Variants in MTUS2 observed in about 807,000 individuals in gnomAD.
MTUS2 encodes microtubule-associated tumor suppressor candidate 2.
A neutral mutation model predicts 114.1 loss-of-function variants in MTUS2; 40 were observed. The ratio of observed to expected loss-of-function variants is 0.35; its 90% CI spans 0.27 to 0.46. The LOEUF (loss-of-function observed/expected upper bound fraction) is 0.46. Among genes scored for constraint, MTUS2 ranks in the 20% least tolerant of loss-of-function variants. MTUS2 has a pLI of 1.00. For missense variants in MTUS2, 1,679 were observed against 1,705.4 expected (o/e 0.98, Z 0.27); for synonymous variants, 688 against 672.0 (o/e 1.02, Z -0.37).
rs1459095973 is a variant in MTUS2, at chr13:29,317,502, A to C, written c.2807-7111A>C. On this transcript the variant is annotated intron_variant, in intron 6 of 15. Coordinates refer to ENST00000612955, the MANE Select transcript of MTUS2 (RefSeq NM_001033602.4). ...GCCGGACTGCGGACTGCAGTGGCGC[A>C]ATCTCGGCTCACTGCAAGCTCCGCT... 7.9e-4 allele frequency among the ~76,000 whole-genome samples: 9 copies of C among 11,460 alleles called. 4 individuals are homozygous for C. Among genetic ancestry groups the C allele is most frequent in the African/African-American group, 1.6e-3 (9 of 5,734 alleles). The allele number at this position is 11,460 out of a possible 152,430, so 7.5% of individuals were successfully genotyped here.
chr13:29,292,855 TAGA>T lies in MTUS2; in HGVS notation c.2806+10998_2806+11000del, dbSNP rs992248696. Reference sequence around the variant, plus strand: ...AGGCTTAGAGCTTCTTGGCTAAAGGTAGAAGAAGAAACACACTCAAGGGAAAAA... The same window carrying T: ...AGGCTTAGAGCTTCTTGGCTAAAGGTAGAAGAAACACACTCAAGGGAAAAA... On this transcript the variant is annotated intron_variant, in intron 6 of 15. Coordinates refer to ENST00000612955, the MANE Select transcript of MTUS2 (RefSeq NM_001033602.4). Among the ~76,000 whole-genome samples the T allele has an allele frequency of 6.2e-4, 95 of 152,022 alleles. 4 individuals carry two copies. The highest frequency in any genetic ancestry group is 1.8e-4 in the Non-Finnish European group (12 of 68,004).
intron 5 of MTUS2, among the ~76,000 whole-genome samples, chr13:29,278,692 C>A (rs1019015964): frequency 7.2e-5 from 11 of 152,238 alleles, no homozygotes; most frequent in South Asian, 2.1e-4. Flanking sequence ...GGAAACTGAG[C>A]AAACTTCCCT....
chr13:28,898,221 A>T (rs1879406798), intron 2 of MTUS2, among the ~76,000 whole-genome samples: 1 of 152,148 alleles, frequency 6.6e-6, no homozygotes, highest in Non-Finnish European at 1.5e-5. Context: ...AGAGCTTTAA[A>T]CCAAGCACAG....
chr13:28,897,596 C>G (rs192761323), intron 2 of MTUS2, among the ~76,000 whole-genome samples: 2 of 151,996 alleles, frequency 1.3e-5, no homozygotes, highest in African/African-American at 2.4e-5. Flanking sequence ...GACACACACA[C>G]ACACATGTAT....
intron 2 of MTUS2, among the ~76,000 whole-genome samples, chr13:28,860,185 T>TA (rs1876880692): frequency 6.6e-6 from 1 of 152,222 alleles, no homozygotes; most frequent in East Asian, 1.9e-4. Flanking sequence ...CGTCCTCCCT[T>TA]AAACAAATAC....
intron 11 of MTUS2, 37 bp from the exon 12 acceptor site, chr13:29,492,609 G>A (rs751567986): frequency 4.5e-6 from 7 of 1,563,582 alleles, no homozygotes; most frequent in Non-Finnish European, 6.2e-6. Flanking sequence ...CTTTTCAAAA[G>A]AAAGACCAAC....
intron 7 of MTUS2, among the ~76,000 whole-genome samples, chr13:29,339,010 C>A (rs1165214151): frequency 6.6e-6 from 1 of 151,992 alleles, no homozygotes; most frequent in African/African-American, 2.4e-5. Flanking sequence ...GGGGGTAAAA[C>A]AAGGGTCAAT....
intron 7 of MTUS2, among the ~76,000 whole-genome samples, chr13:29,325,510 A>G (rs71192603): frequency 0.19 from 22,505 of 118,160 alleles, 2,198 homozygotes; most frequent in Non-Finnish European, 0.22. Context: ...GGAGGAGGAG[A>G]AGGAGGAGGA....
intron 5 of MTUS2, among the ~76,000 whole-genome samples, chr13:29,244,000 G>T (rs1171861599): frequency 6.6e-6 from 1 of 152,234 alleles, no homozygotes; most frequent in African/African-American, 2.4e-5. Context: ...GAGACCAGGG[G>T]TGAACATGAG....
In MTUS2 at chr13:29,041,033, C is replaced by T. The variant is rs561165787; in HGVS notation, c.2446+6908C>T. ...TTCGTGGTCATAAAATCCTTGCCTA[C>T]GATAATGTCTAGAAGGGTTTTTCCG... On this transcript the variant is annotated intron_variant, in intron 4 of 15. Transcript: ENST00000612955. Among the ~76,000 whole-genome samples, 25 of 152,098 alleles carry T rather than the reference C, an allele frequency of 1.6e-4. 1 individual carries two copies. Among genetic ancestry groups the T allele is most frequent in the Non-Finnish European group, 1.5e-4 (10 of 67,956 alleles).
intron 2 of MTUS2, among the ~76,000 whole-genome samples, chr13:28,978,120 CAT>C (rs1399414074): frequency 2.6e-5 from 4 of 152,190 alleles, no homozygotes; most frequent in Non-Finnish European, 4.4e-5. Flanking sequence ...TACCTTGCCA[CAT>C]GTGTTCTTTC....
At chr13:29,379,435 A>T (rs1203351713) in intron 8 of MTUS2, among the ~76,000 whole-genome samples, 3 of 152,310 alleles carry the variant, frequency 2.0e-5, no homozygotes, top group Non-Finnish European at 1.5e-5. Context: ...CAGGGGACCT[A>T]CATGGACCTG....
At chr13:29,337,221 G>A (rs952190774) in intron 7 of MTUS2, among the ~76,000 whole-genome samples, 10 of 152,012 alleles carry the variant, frequency 6.6e-5, no homozygotes, top group African/African-American at 2.4e-4. Flanking sequence ...AACTAGCTCT[G>A]TGTCTACCCG....
At chr13:29,251,346 A>G (rs991131264) in intron 5 of MTUS2, among the ~76,000 whole-genome samples, 2 of 151,382 alleles carry the variant, frequency 1.3e-5, no homozygotes, top group African/African-American at 4.9e-5. Context: ...CATGGGCATG[A>G]GGTTTTTAAA....
chr13:29,216,894 C>T (rs1390659307), intron 5 of MTUS2, among the ~76,000 whole-genome samples: 1 of 152,174 alleles, frequency 6.6e-6, no homozygotes, highest in East Asian at 1.9e-4. Flanking sequence ...TTTCAGTTTT[C>T]CCACACCCTC....
intron 6 of MTUS2, among the ~76,000 whole-genome samples, chr13:29,304,140 C>T (rs1899331342): frequency 6.6e-6 from 1 of 151,876 alleles, no homozygotes; most frequent in Non-Finnish European, 1.5e-5. Flanking sequence ...AAAGGAAGCA[C>T]AAAATATGGA....
chr13:29,460,621 A>G (rs1412880057), intron 9 of MTUS2, among the ~76,000 whole-genome samples: 3 of 152,136 alleles, frequency 2.0e-5, no homozygotes, highest in Non-Finnish European at 2.9e-5. Context: ...AATCATTCCC[A>G]GCAACAATGA....
chr13:29,478,009 A>G (rs74420066), intron 9 of MTUS2, among the ~76,000 whole-genome samples: 2,519 of 152,348 alleles, frequency 0.017, 71 homozygotes, highest in African/African-American at 0.057. Context: ...CCTGCCAAAC[A>G]GGCATAAGCT....
rs529758521 is a variant in MTUS2, at chr13:29,332,180, A to C, written c.2905+7469A>C. Among the ~76,000 whole-genome samples the C allele has an allele frequency of 1.4e-4, 21 of 152,302 alleles. No homozygotes were observed. In the South Asian group the frequency reaches 4.4e-3, roughly 32 times the overall value. ...TCAGGTAGAGTTTGGCTATGAATCCATCCGGTCCTGGGCCGTTTTTCGTTG... is the reference window on the plus strand; with the variant it reads ...TCAGGTAGAGTTTGGCTATGAATCCCTCCGGTCCTGGGCCGTTTTTCGTTG... On this transcript the variant is annotated intron_variant, in intron 7 of 15. Coordinates refer to ENST00000612955, the MANE Select transcript of MTUS2 (RefSeq NM_001033602.4).
Sources: gnomAD v4.1 joint callset for allele counts (sites outside exome capture counted in the v4.1 genomes callset) on GRCh38, gnomAD v4.1.1 for gene constraint, MANE v1.5 for transcripts, NCBI Gene and HGNC (gene_info 2026-07-23, HGNC 2026-07-21) for gene names.